The following LARGE1 variants were observed in gnomAD, a reference collection of about 807,000 sequenced individuals.
The protein encoded by LARGE1 is LARGE xylosyl- and glucuronyltransferase 1.
LARGE1 carries 43 observed loss-of-function variants against 87.6 expected under a neutral mutation model. The ratio of observed to expected loss-of-function variants is 0.49; its 90% confidence interval spans 0.38 to 0.63. The LOEUF (loss-of-function observed/expected upper bound fraction) is 0.63, where lower values mean the gene tolerates loss of function less well. Among genes scored for constraint, LARGE1 ranks in the 30% least tolerant of loss-of-function variants. The pLI is 0.00. For synonymous variants in LARGE1, 434 were observed against 394.6 expected (o/e 1.10, Z -1.18); for missense variants, 802 against 1,000.2 (o/e 0.80, Z 2.67).
chr22:33,853,869 T>C (rs1342252401), intron 1 of LARGE1, among the ~76,000 whole-genome samples: 1 of 152,210 alleles, frequency 6.6e-6, no homozygotes, highest in Non-Finnish European at 1.5e-5. Flanking sequence ...TTCTGCTCTT[T>C]GTTCTCAATA....
At chr22:33,709,364 G>C (rs771311045) in intron 2 of LARGE1, among the ~76,000 whole-genome samples, 7 of 152,144 alleles carry the variant, frequency 4.6e-5, no homozygotes, top group Non-Finnish European at 7.3e-5. Flanking sequence ...ACAAATAAGA[G>C]AGCCAAAGCT....
chr22:33,736,262 T>C (rs1372367475), intron 2 of LARGE1, among the ~76,000 whole-genome samples: 4 of 152,206 alleles, frequency 2.6e-5, no homozygotes, highest in Admixed American at 6.5e-5. Context: ...CCACCGGCAA[T>C]GTATAAGGGT....
At chr22:33,446,660 C>T (rs1174142673) in intron 6 of LARGE1, among the ~76,000 whole-genome samples, 4 of 152,084 alleles carry the variant, frequency 2.6e-5, no homozygotes, top group Admixed American at 6.5e-5. Context: ...GCGAGGGAGA[C>T]GAGGCTGAAG....
the LARGE1 span, among the ~76,000 whole-genome samples, chr22:33,103,499 G>A: frequency 1.4e-5 from 2 of 146,468 alleles, no homozygotes; most frequent in Non-Finnish European, 3.0e-5. Context: ...AATCAAATGA[G>A]CTCTTTAAAA....
At chr22:33,339,695 A>ATATT (rs113495653) in intron 9 of LARGE1, among the ~76,000 whole-genome samples, 19,865 of 151,912 alleles carry the variant, frequency 0.13, 2,678 homozygotes, top group African/African-American at 0.35. Flanking sequence ...TATTTATAAA[A>ATATT]TATTTATTTG....
At chr22:33,531,425 T>C (rs2072196982) in intron 6 of LARGE1, among the ~76,000 whole-genome samples, 1 of 152,208 alleles carries the variant, frequency 6.6e-6, no homozygotes, top group South Asian at 2.1e-4. Flanking sequence ...CCCAAAGTGC[T>C]GGGATTACAG....
In LARGE1 at chr22:33,843,421, A is replaced by G. The variant is rs559120843; in HGVS notation, c.-83+76574T>C. ...CACTGCACTCTAGCCTGAGGGATAG[A>G]GCAAGACTCCCTCTCAAAAAAATAA... On this transcript the variant is annotated intron_variant, in intron 1 of 14. Coordinates refer to ENST00000397394, the MANE Select transcript of LARGE1 (RefSeq NM_133642.5). Among the ~76,000 whole-genome samples, 56 of 150,018 alleles carry G rather than the reference A, an allele frequency of 3.7e-4. 1 individual carries two copies. The highest frequency in any genetic ancestry group is 2.5e-3 in the South Asian group (12 of 4,774).
intron 2 of LARGE1, among the ~76,000 whole-genome samples, chr22:33,691,591 CCATA>C (rs754829549): frequency 6.6e-6 from 1 of 152,202 alleles, no homozygotes; most frequent in Non-Finnish European, 1.5e-5. Flanking sequence ...CTGCTCACAT[CCATA>C]CATCTCTACG....
exon 12 of LARGE1, chr22:33,165,189 C>T (rs1207930095): frequency 6.6e-6 from 1 of 152,134 alleles, no homozygotes; most frequent in African/African-American, 2.4e-5. Context: ...TTTGATTTTA[C>T]CCCAGAAGAA....
At chr22:33,487,515 C>A (rs2069639189) in intron 6 of LARGE1, among the ~76,000 whole-genome samples, 1 of 152,084 alleles carries the variant, frequency 6.6e-6, no homozygotes, top group African/African-American at 2.4e-5. Flanking sequence ...CTTTGGAGAG[C>A]CCTTCAGTTG....
At chr22:33,578,884 A>C (rs1301278697) in intron 5 of LARGE1, among the ~76,000 whole-genome samples, 1 of 152,224 alleles carries the variant, frequency 6.6e-6, no homozygotes, top group Non-Finnish European at 1.5e-5. Flanking sequence ...TGTTAGCAGA[A>C]ACAAACATTC....
intron 1 of LARGE1, among the ~76,000 whole-genome samples, chr22:33,840,248 A>T (rs1041360789): frequency 2.0e-5 from 3 of 152,178 alleles, no homozygotes; most frequent in African/African-American, 7.2e-5. Context: ...ACATCCCCTC[A>T]CTGTAAAATC....
chr22:33,604,149 C>G (rs1205122516), intron 5 of LARGE1, among the ~76,000 whole-genome samples: 1 of 152,198 alleles, frequency 6.6e-6, no homozygotes, highest in African/African-American at 2.4e-5. Context: ...TAGATGACAG[C>G]TACCATAGAC....
chr22:33,518,082 T>C (rs749947790), intron 6 of LARGE1, among the ~76,000 whole-genome samples: 50 of 152,230 alleles, frequency 3.3e-4, no homozygotes, highest in Non-Finnish European at 1.9e-4. Context: ...GAGGAAATCA[T>C]ACAGCTGAGA....
intron 1 of LARGE1, among the ~76,000 whole-genome samples, chr22:33,783,565 A>G (rs1425701305): frequency 6.6e-6 from 1 of 152,198 alleles, no homozygotes; most frequent in Non-Finnish European, 1.5e-5. Flanking sequence ...ACTCCATCTC[A>G]AAAAACACAA....
chr22:33,774,747 C>T (rs560935886), intron 1 of LARGE1, among the ~76,000 whole-genome samples: 22 of 152,254 alleles, frequency 1.4e-4, no homozygotes, highest in African/African-American at 9.6e-5. Flanking sequence ...ACTAATGAGG[C>T]GCTTTAGTTC....
intron 7 of LARGE1, among the ~76,000 whole-genome samples, chr22:33,403,691 C>T (rs930848483): frequency 6.6e-6 from 1 of 152,038 alleles, no homozygotes. Flanking sequence ...GCAACCTCTG[C>T]CTCTTGGGTT....
intron 6 of LARGE1, among the ~76,000 whole-genome samples, chr22:33,450,645 C>A (rs2067876114): frequency 7.1e-6 from 1 of 141,412 alleles, no homozygotes; most frequent in Admixed American, 6.9e-5. Flanking sequence ...ATAAATGGAT[C>A]TCAATATGGT....
At chr22:33,711,464 C>T (rs2082729101) in intron 2 of LARGE1, among the ~76,000 whole-genome samples, 1 of 152,146 alleles carries the variant, frequency 6.6e-6, no homozygotes, top group Non-Finnish European at 1.5e-5. Flanking sequence ...CCCTGGAAAC[C>T]AGGAATGAGG....
Sources: gnomAD v4.1 joint callset for allele counts (sites outside exome capture counted in the v4.1 genomes callset) on GRCh38, gnomAD v4.1.1 for gene constraint, MANE v1.5 for transcripts, NCBI Gene and HGNC (gene_info 2026-07-23, HGNC 2026-07-21) for gene names.